The following RBPMS variants were observed in gnomAD, a reference collection of about 807,000 sequenced individuals.
RBPMS encodes RNA-binding protein with multiple splicing.
In RBPMS, 7 loss-of-function variants were observed where a neutral mutation model predicts 26.8. That is an observed-to-expected ratio of 0.26 (90% CI 0.15 to 0.49). RBPMS has a LOEUF of 0.49. Among genes scored for constraint, RBPMS ranks in the 20% least tolerant of loss-of-function variants. RBPMS has a pLI of 0.98. For synonymous variants in RBPMS, 96 were observed against 93.3 expected (o/e 1.03, Z -0.17); for missense variants, 186 against 250.0 (o/e 0.74, Z 1.73).
intron 6 of RBPMS, among the ~76,000 whole-genome samples, chr8:30,549,166 G>A (rs980574386): frequency 2.0e-5 from 3 of 152,194 alleles, no homozygotes; most frequent in Non-Finnish European, 4.4e-5. Context: ...GTCATGTCTG[G>A]GGCCCCAGGG....
Position 30,493,883 on chromosome 8 carries a change from C to G in RBPMS, c.247-10403C>G, listed in dbSNP as rs545954750. ...CGCTTCTTCAAAGGCCCTGTCATGA[C>G]TTTATAGTCATCCTATACAAAGCAG... On this transcript the variant is annotated intron_variant, in intron 4 of 8. Coordinates refer to ENST00000397323, the MANE Select transcript of RBPMS (RefSeq NM_001008710.3). Among the ~76,000 whole-genome samples, 3 of 152,288 alleles carry G rather than the reference C, an allele frequency of 2.0e-5. No individual in the cohort carries two copies. The East Asian group carries it at 5.8e-4, about 29-fold the overall frequency.
intron 1 of RBPMS, among the ~76,000 whole-genome samples, chr8:30,445,674 A>G (rs1186442961): frequency 3.6e-5 from 5 of 139,424 alleles, no homozygotes; most frequent in South Asian, 2.4e-4. Flanking sequence ...ATATATATAT[A>G]TGTATTTTCC....
chr8:30,512,585 C>T (rs1821831459), intron 5 of RBPMS, among the ~76,000 whole-genome samples: 1 of 152,080 alleles, frequency 6.6e-6, no homozygotes, highest in Non-Finnish European at 1.5e-5. Context: ...AACTCCTGGG[C>T]TGAAGCCCGA....
chr8:30,424,806 C>T (rs1811174216), intron 1 of RBPMS, among the ~76,000 whole-genome samples: 1 of 152,060 alleles, frequency 6.6e-6, no homozygotes, highest in Non-Finnish European at 1.5e-5. Flanking sequence ...GTGACAATTT[C>T]TTTTTTGTGC....
intron 1 of RBPMS, among the ~76,000 whole-genome samples, chr8:30,455,488 A>G (rs1815090080): frequency 6.6e-6 from 1 of 152,214 alleles, no homozygotes; most frequent in Non-Finnish European, 1.5e-5. Context: ...GGAGTACAGA[A>G]GAGAAAAAGA....
chr8:30,429,278 G>A (rs539379371), intron 1 of RBPMS, among the ~76,000 whole-genome samples: 1 of 152,196 alleles, frequency 6.6e-6, no homozygotes, highest in South Asian at 2.1e-4. Flanking sequence ...GCCTCAGAGG[G>A]GACCTTCTAT....
At chr8:30,497,379 C>T (rs1820073920) in intron 4 of RBPMS, among the ~76,000 whole-genome samples, 1 of 152,084 alleles carries the variant, frequency 6.6e-6, no homozygotes, top group Non-Finnish European at 1.5e-5. Flanking sequence ...CCCGTCTCTA[C>T]TAGAAATATA....
At chr8:30,519,133 T>A (rs1822718478) in intron 5 of RBPMS, among the ~76,000 whole-genome samples, 1 of 152,192 alleles carries the variant, frequency 6.6e-6, no homozygotes, top group Non-Finnish European at 1.5e-5. Flanking sequence ...AACCAGTTTT[T>A]AAAGCCACAA....
At chr8:30,528,338 C>G (rs1254320877) in intron 5 of RBPMS, among the ~76,000 whole-genome samples, 1 of 152,048 alleles carries the variant, frequency 6.6e-6, no homozygotes, top group Admixed American at 6.6e-5. Context: ...TCTGATCAGC[C>G]CTGAAATTTT....
chr8:30,515,880 C>T (rs891743769), intron 5 of RBPMS, among the ~76,000 whole-genome samples: 4 of 152,102 alleles, frequency 2.6e-5, no homozygotes, highest in Non-Finnish European at 5.9e-5. Flanking sequence ...TGGTCTTGAG[C>T]TCAAGCAATC....
At chr8:30,479,932 T>C (rs1427822243) in intron 4 of RBPMS, among the ~76,000 whole-genome samples, 1 of 152,250 alleles carries the variant, frequency 6.6e-6, no homozygotes, top group Non-Finnish European at 1.5e-5. Context: ...TGAGTAGATA[T>C]ATCTGTATTT....
intron 5 of RBPMS, among the ~76,000 whole-genome samples, chr8:30,527,746 T>G (rs1243984138): frequency 6.6e-6 from 1 of 152,156 alleles, no homozygotes; most frequent in Non-Finnish European, 1.5e-5. Flanking sequence ...GAGGAGTGTC[T>G]GTGAGAAAAG....
At chr8:30,546,451 A>C (rs144503673) in intron 6 of RBPMS, among the ~76,000 whole-genome samples, 128 of 152,308 alleles carry the variant, frequency 8.4e-4, no homozygotes, top group African/African-American at 2.9e-3. Context: ...ACGGTATGGT[A>C]AGAGAAGGGC....
intron 5 of RBPMS, among the ~76,000 whole-genome samples, chr8:30,513,172 T>C (rs933542927): frequency 4.6e-5 from 7 of 151,930 alleles, no homozygotes; most frequent in Admixed American, 2.6e-4. Flanking sequence ...CCTAGGGTGA[T>C]AGCAAAAGAA....
chr8:30,563,318 C>T lies in RBPMS; in HGVS notation c.*8-2939C>T, dbSNP rs140448532. Among the ~76,000 whole-genome samples, 82 of 152,312 alleles carry T rather than the reference C, an allele frequency of 5.4e-4. 2 individuals are homozygous for T. Among genetic ancestry groups the T allele is most frequent in the African/African-American group, 1.9e-3 (81 of 41,560 alleles). ...GATGGTTCAGCCATGTGCTAGAGAG[C>T]CCAGAATACAGAATCACGATTGAAA... On this transcript the variant is annotated intron_variant, in intron 7 of 8. Transcript: ENST00000397323.
At chr8:30,410,515 ACT>A (rs1330825471) in intron 1 of RBPMS, among the ~76,000 whole-genome samples, 1 of 150,018 alleles carries the variant, frequency 6.7e-6, no homozygotes, top group Admixed American at 6.6e-5. Context: ...GCCAACTACT[ACT>A]CTTTTATATT....
intron 1 of RBPMS, among the ~76,000 whole-genome samples, chr8:30,459,059 G>A (rs984983322): frequency 2.6e-5 from 4 of 151,822 alleles, no homozygotes; most frequent in Non-Finnish European, 4.4e-5. Context: ...CACCTCCTGG[G>A]TTCAAGCGAT....
At chr8:30,556,614 T>A in intron 6 of RBPMS, 1 of 986,338 alleles carries the variant, frequency 1.0e-6, no homozygotes, top group Non-Finnish European at 1.2e-6. Flanking sequence ...CGCTCCACAC[T>A]GACCCAGTGC....
At chr8:30,534,436 A>C (rs541373874) in intron 5 of RBPMS, among the ~76,000 whole-genome samples, 2 of 152,372 alleles carry the variant, frequency 1.3e-5, no homozygotes, top group East Asian at 3.9e-4. Context: ...CTAGGGATAC[A>C]TTAACATAAT....
Sources: gnomAD v4.1 joint callset for allele counts (sites outside exome capture counted in the v4.1 genomes callset) on GRCh38, gnomAD v4.1.1 for gene constraint, MANE v1.5 for transcripts, NCBI Gene and HGNC (gene_info 2026-07-23, HGNC 2026-07-21) for gene names.